Variants in NOSIP observed in about 807,000 individuals in gnomAD.
The protein encoded by NOSIP is nitric oxide synthase-interacting protein.
Under a neutral mutation model 36.4 loss-of-function variants are expected in NOSIP, and 25 were observed. The ratio of observed to expected loss-of-function variants is 0.69; its 90% CI spans 0.50 to 0.96. The LOEUF (loss-of-function observed/expected upper bound fraction) is 0.96. Ranked by LOEUF, NOSIP falls within the 40% of genes least tolerant of loss-of-function variation. The probability of loss-of-function intolerance (pLI) is 0.00; values close to 1 mark genes in which losing one functional copy is unlikely to be tolerated. For synonymous variants in NOSIP, 187 were observed against 179.2 expected, an observed-to-expected ratio of 1.04 and a Z score of -0.35; for missense variants, 370 against 429.0, an observed-to-expected ratio of 0.86 and a Z score of 1.21.
chr19:49,570,485 G>A (rs764533959), intron 1 of NOSIP, among the ~76,000 whole-genome samples: 1 of 152,104 alleles, frequency 6.6e-6, no homozygotes, highest in Non-Finnish European at 1.5e-5. Context: ...ATACACCCTT[G>A]TGACCACGAC....
At chr19:49,556,175 G>GTA in intron 8 of NOSIP, 142 bp downstream of exon 8, 1 of 395,948 alleles carries the variant, frequency 2.5e-6, no homozygotes, top group East Asian at 4.0e-5. Context: ...GAAAGCGGGG[G>GTA]GGGGGGGCGG....
rs2080501406 is a variant in NOSIP at position 49,572,693 on chromosome 19, G to T, written c.-2+7822C>A. ...ACTTTAAAATATATATATATATATG[G>T]CTGGGAGCAGTGGCTCACGCCTGTA... On this transcript the variant is annotated intron_variant, in intron 1 of 8. Transcript: ENST00000596358. Among the ~76,000 whole-genome samples the T allele has an allele frequency of 2.1e-5, 3 of 144,864 alleles. No homozygotes were observed. The South Asian group carries it at 6.6e-4, about 32-fold the overall frequency.
intron 4 of NOSIP, chr19:49,557,586 A>G: frequency 8.4e-7 from 1 of 1,192,848 alleles, no homozygotes; most frequent in South Asian, 3.1e-5. Flanking sequence ...TACAGCATGG[A>G]GAGCCTCACC....
chr19:49,580,510 C>T lies in NOSIP; in HGVS notation c.-2+5G>A, dbSNP rs2080612835. 1 of 152,254 alleles carries T rather than the reference C, an allele frequency of 6.6e-6. No individual in the cohort carries two copies. Among genetic ancestry groups the T allele is most frequent in the Non-Finnish European group, 1.5e-5 (1 of 68,098 alleles). The allele number at this position is 152,254 out of a possible 1,614,324, so 9.4% of individuals were successfully genotyped here. On this transcript the variant is annotated splice_donor_5th_base_variant and intron_variant, in intron 1 of 8. Coordinates refer to ENST00000596358, the MANE Select transcript of NOSIP (RefSeq NM_001270960.2). ...AACACTCTTCCTGCACCGCCTCGAA[C>T]TCACCTCACTAACGACTCCCAGTCC... is the stretch of plus-strand genomic sequence containing the variant.
intron 1 of NOSIP, among the ~76,000 whole-genome samples, chr19:49,569,651 T>C (rs1280503791): frequency 6.6e-6 from 1 of 150,664 alleles, no homozygotes; most frequent in Admixed American, 6.6e-5. Context: ...CTACTAAAAA[T>C]ACAAAAATTA....
chr19:49,557,338 A>G (rs2080268628), intron 4 of NOSIP, 89 bp from the exon 5 acceptor site: 1 of 1,477,828 alleles, frequency 6.8e-7, no homozygotes, highest in Non-Finnish European at 9.0e-7. Flanking sequence ...GAGGCCCACA[A>G]AGGGGACCCT....
Position 49,557,185 on chromosome 19 carries a change from T to TG in NOSIP, c.322dup (p.Gln108ProfsTer34). The TG allele has an allele frequency of 6.2e-7, 1 of 1,608,354 alleles. No individual in the cohort carries two copies. The highest frequency in any genetic ancestry group is 8.5e-7 in the Non-Finnish European group (1 of 1,177,802). ...CTCCAGGAAGCCCCGCACATGGTCCTGCGAGGCCGCCCGCTGAAGCTCCTT... is the reference window on the plus strand; with the variant it reads ...CTCCAGGAAGCCCCGCACATGGTCCTGGCGAGGCCGCCCGCTGAAGCTCCTT... On this transcript the variant is annotated frameshift_variant, in exon 5 of 9. Coordinates refer to ENST00000596358, the MANE Select transcript of NOSIP (RefSeq NM_001270960.2). LOFTEE classifies it high-confidence loss of function.
At chr19:49,577,489 G>A (rs758358551) in intron 1 of NOSIP, among the ~76,000 whole-genome samples, 3 of 151,820 alleles carry the variant, frequency 2.0e-5, no homozygotes, top group Non-Finnish European at 2.9e-5. Context: ...CCTGGGAGCC[G>A]AGATCACGCC....
At chr19:49,557,289 C>A (rs1461510006) in intron 4 of NOSIP, 40 bp from the exon 5 acceptor site, 1 of 1,529,858 alleles carries the variant, frequency 6.5e-7, no homozygotes, top group Admixed American at 2.0e-5. Flanking sequence ...GCCCGTGGGG[C>A]TGGGGGTATC....
At chr19:49,574,027 T>G (rs913389674) in intron 1 of NOSIP, among the ~76,000 whole-genome samples, 7 of 151,936 alleles carry the variant, frequency 4.6e-5, no homozygotes, top group African/African-American at 1.7e-4. Flanking sequence ...GCCTAGATAC[T>G]TTTTTTGTAT....
rs996963376 is a variant in NOSIP, at chr19:49,560,685, G to T, written c.7C>A (p.Arg3=). MT[R]HGKNCTAGAV... ...CCTGCGGTGCAGTTCTTGCCATGCCGCGTCATCCTAGGGAGGAAGGGACAG... is the reference window on the plus strand; with the variant it reads ...CCTGCGGTGCAGTTCTTGCCATGCCTCGTCATCCTAGGGAGGAAGGGACAG... Residue 3 remains arginine, a synonymous_variant, in exon 2 of 9, where the codon CGG becomes AGG. Transcript: ENST00000596358. This position sits in a 1 kb window ranked among gnomAD's most constrained non-coding sequence, Gnocchi z 4.6. The T allele has an allele frequency of 1.9e-6, 3 of 1,592,266 alleles. No individual in the cohort carries two copies. The highest frequency in any genetic ancestry group is 1.7e-6 in the Non-Finnish European group (2 of 1,168,850).
At chr19:49,567,848 AT>A (rs879409209) in intron 1 of NOSIP, among the ~76,000 whole-genome samples, 11 of 145,888 alleles carry the variant, frequency 7.5e-5, no homozygotes, top group Admixed American at 1.4e-4. Flanking sequence ...ATTTTTTTGC[AT>A]TTTTTTTTTA....
chr19:49,577,467 G>A (rs2080568466), intron 1 of NOSIP, among the ~76,000 whole-genome samples: 1 of 152,092 alleles, frequency 6.6e-6, no homozygotes, highest in Non-Finnish European at 1.5e-5. Context: ...TGAGGCAGGA[G>A]AGTCGCTCAA....
intron 1 of NOSIP, among the ~76,000 whole-genome samples, chr19:49,569,480 G>C (rs375018982): frequency 6.9e-6 from 1 of 145,394 alleles, no homozygotes; most frequent in Non-Finnish European, 1.5e-5. Flanking sequence ...TTACAGGTGT[G>C]AGCCACCGTG....
At chr19:49,575,243 C>G (rs998259299) in intron 1 of NOSIP, among the ~76,000 whole-genome samples, 3 of 152,212 alleles carry the variant, frequency 2.0e-5, no homozygotes, top group Non-Finnish European at 4.4e-5. Flanking sequence ...ATGTGATCCA[C>G]CTGCCTTGGC....
At chr19:49,575,165 A>G (rs936085090) in intron 1 of NOSIP, among the ~76,000 whole-genome samples, 1 of 151,588 alleles carries the variant, frequency 6.6e-6, no homozygotes, top group Non-Finnish European at 1.5e-5. Context: ...GCCCGGCCTC[A>G]TTTTTGTATT....
chr19:49,561,397 T>A (rs932909827), intron 1 of NOSIP, among the ~76,000 whole-genome samples: 4 of 152,150 alleles, frequency 2.6e-5, no homozygotes, highest in African/African-American at 4.8e-5. Context: ...CTGTAAGTTT[T>A]CAAACACATA....
At chr19:49,556,145 AAG>A (rs2080238576) in intron 8 of NOSIP, among the ~76,000 whole-genome samples, 170 bp downstream of exon 8, 2 of 39,148 alleles carry the variant, frequency 5.1e-5, no homozygotes, top group Admixed American at 6.0e-4. Flanking sequence ...GGAGGGGGGG[AAG>A]GGCGGGGCCT....
At chr19:49,579,610 C>G (rs1420921023) in intron 1 of NOSIP, among the ~76,000 whole-genome samples, 3 of 152,154 alleles carry the variant, frequency 2.0e-5, no homozygotes, top group African/African-American at 7.2e-5. Flanking sequence ...TGAAAACAAC[C>G]TCTGCTCAGC....
Sources: gnomAD v4.1 joint callset for allele counts (sites outside exome capture counted in the v4.1 genomes callset) on GRCh38, gnomAD v4.1.1 for gene constraint, Gnocchi (gnomAD v3.1) non-coding constraint, MANE v1.5 for transcripts, NCBI Gene and HGNC (gene_info 2026-07-23, HGNC 2026-07-21) for gene names.